OXR1: variants seen among roughly 807,000 people sequenced by gnomAD.
OXR1 encodes the protein oxidation resistance 1, also known as oxidation resistance protein 1.
A neutral mutation model predicts 104.6 loss-of-function variants in OXR1; 41 were observed. The ratio of observed to expected loss-of-function variants is 0.39; its 90% CI spans 0.31 to 0.51. The LOEUF is 0.51. OXR1 is among the 20% of genes least tolerant of loss of function. The pLI is 0.77. For synonymous variants in OXR1, 348 were observed against 348.4 expected, an observed-to-expected ratio of 1.00 and a Z score of 0.01; for missense variants, 955 against 1,031.9, an observed-to-expected ratio of 0.93 and a Z score of 1.02.
At chr8:106,365,650 A>G (rs1275887669) in intron 2 of OXR1, among the ~76,000 whole-genome samples, 2 of 152,140 alleles carry the variant, frequency 1.3e-5, no homozygotes, top group African/African-American at 4.8e-5. Flanking sequence ...TTGATTTGGG[A>G]TTGACACTTT....
rs147125120 is a variant in OXR1 at position 106,719,468 on chromosome 8, T to G, written c.1956+5483T>G. On this transcript the variant is annotated intron_variant, in intron 11 of 16. Transcript: ENST00000517566. The stretch of plus-strand genomic sequence containing the variant: ...GTTATTCAAATGTCATAAAAATATT[T>G]AGAATACATGTAATATGTACAGTAT... Among the ~76,000 whole-genome samples, 347 of 152,368 alleles carry G rather than the reference T, an allele frequency of 2.3e-3. 1 individual carries two copies. Among genetic ancestry groups the G allele is most frequent in the African/African-American group, 7.8e-3 (323 of 41,590 alleles).
At chr8:106,370,214 T>C (rs1385187869) in intron 2 of OXR1, among the ~76,000 whole-genome samples, 8 of 152,202 alleles carry the variant, frequency 5.3e-5, no homozygotes, top group Non-Finnish European at 1.2e-4. Flanking sequence ...ATTGTTGGTG[T>C]AAAGGAATGC....
intron 2 of OXR1, among the ~76,000 whole-genome samples, chr8:106,389,615 C>G (rs774385800): frequency 6.6e-6 from 1 of 152,104 alleles, no homozygotes; most frequent in African/African-American, 2.4e-5. Context: ...GAGATCTGAC[C>G]TAAAGAACTG....
chr8:106,285,795 C>T (rs2130012213), intron 1 of OXR1, among the ~76,000 whole-genome samples: 1 of 149,474 alleles, frequency 6.7e-6, no homozygotes, highest in Non-Finnish European at 1.5e-5. Context: ...TCAACAAGAG[C>T]CTTAGAGTCT....
At chr8:106,430,468 T>G (rs1451481539) in intron 2 of OXR1, among the ~76,000 whole-genome samples, 1 of 152,192 alleles carries the variant, frequency 6.6e-6, no homozygotes, top group Non-Finnish European at 1.5e-5. Flanking sequence ...TTTATAATCC[T>G]GAGAATAAAG....
intron 3 of OXR1, among the ~76,000 whole-genome samples, chr8:106,554,403 C>T (rs1045259543): frequency 1.3e-5 from 2 of 152,156 alleles, no homozygotes; most frequent in African/African-American, 4.8e-5. Context: ...ATAAATTTCA[C>T]CTCCATTTTC....
At chr8:106,485,236 A>C (rs757564508) in intron 2 of OXR1, among the ~76,000 whole-genome samples, 1 of 152,116 alleles carries the variant, frequency 6.6e-6, no homozygotes, top group Non-Finnish European at 1.5e-5. Context: ...TGATACTACA[A>C]TGTTGGATAC....
intron 3 of OXR1, among the ~76,000 whole-genome samples, chr8:106,535,024 G>A (rs746908360): frequency 1.3e-5 from 2 of 151,932 alleles, no homozygotes; most frequent in South Asian, 2.1e-4. Flanking sequence ...GTGCAGTGGC[G>A]CCTTCTCAGC....
intron 2 of OXR1, among the ~76,000 whole-genome samples, chr8:106,421,845 G>T (rs1818919583): frequency 1.3e-5 from 1 of 75,206 alleles, no homozygotes. Context: ...ACAGCAATAA[G>T]AAAATCTCTT....
chr8:106,431,522 A>C (rs957969512), intron 2 of OXR1, among the ~76,000 whole-genome samples: 12 of 152,200 alleles, frequency 7.9e-5, no homozygotes, highest in African/African-American at 2.9e-4. Flanking sequence ...AGCTAGAACG[A>C]ATTTAAAATA....
intron 2 of OXR1, among the ~76,000 whole-genome samples, chr8:106,512,644 T>C (rs1812611872): frequency 6.6e-6 from 1 of 152,158 alleles, no homozygotes; most frequent in African/African-American, 2.4e-5. Context: ...TTGTATCATG[T>C]AGTATTTAGA....
At chr8:106,406,917 T>C (rs1284093989) in intron 2 of OXR1, among the ~76,000 whole-genome samples, 2 of 144,112 alleles carry the variant, frequency 1.4e-5, no homozygotes, top group Non-Finnish European at 3.0e-5. Flanking sequence ...GCAAAAGTAA[T>C]TGCGGTTCTT....
chr8:106,712,792 C>A (rs1314043658), intron 10 of OXR1, among the ~76,000 whole-genome samples: 1 of 151,966 alleles, frequency 6.6e-6, no homozygotes, highest in Non-Finnish European at 1.5e-5. Flanking sequence ...GATATTCAAA[C>A]GTTCCAGTGA....
chr8:106,368,214 A>G (rs1563740144), intron 2 of OXR1, among the ~76,000 whole-genome samples: 1 of 152,314 alleles, frequency 6.6e-6, no homozygotes, highest in South Asian at 2.1e-4. Context: ...AATAATTCAT[A>G]TTGTATCCTT....
intron 3 of OXR1, among the ~76,000 whole-genome samples, chr8:106,618,535 C>T (rs964505239): frequency 1.3e-5 from 2 of 152,210 alleles, no homozygotes; most frequent in African/African-American, 4.8e-5. Context: ...GATTTTGAGT[C>T]TCTTCATGTC....
chr8:106,400,104 A>G (rs1817941747), intron 2 of OXR1, among the ~76,000 whole-genome samples: 1 of 151,846 alleles, frequency 6.6e-6, no homozygotes, highest in Non-Finnish European at 1.5e-5. Flanking sequence ...TTCCTGAATC[A>G]TTTCTTGATT....
At position 106,750,857 on chromosome 8, in the gene OXR1, T is replaced by C. The variant is rs1835842981; in HGVS notation, c.2538T>C (p.His846=). ...LDGDLYHGRS[H]SCKTFGNRTL... ...GAGATCTCTACCATGGAAGAAGCCA[T>C]TCTTGTAAAACGTTTGGGAATCGTA... is the stretch of plus-strand genomic sequence containing the variant. The change falls in exon 17 of 17, where the codon CAT becomes CAC. Residue 846 remains histidine, a synonymous_variant. Coordinates refer to ENST00000517566, the MANE Select transcript of OXR1 (RefSeq NM_001198533.2). The C allele has an allele frequency of 6.2e-7, 1 of 1,610,178 alleles. No homozygotes were observed. The highest frequency in any genetic ancestry group is 1.3e-5 in the African/African-American group (1 of 74,808).
intron 2 of OXR1, among the ~76,000 whole-genome samples, chr8:106,515,426 TTTTATATCC>T (rs1407069809): frequency 6.6e-6 from 1 of 152,108 alleles, no homozygotes; most frequent in Admixed American, 6.6e-5. Context: ...CCTGATAAAA[TTTTATATCC>T]TTTGATCAAC....
At chr8:106,679,566 G>T (rs188880099) in intron 4 of OXR1, among the ~76,000 whole-genome samples, 1 of 152,052 alleles carries the variant, frequency 6.6e-6, no homozygotes, top group Admixed American at 6.5e-5. Context: ...TTTTTATTAG[G>T]TTAGGCTTTT....
Sources: allele counts gnomAD v4.1 joint callset (sites outside exome capture counted in the v4.1 genomes callset), GRCh38; gene constraint gnomAD v4.1.1; transcripts MANE v1.5; gene names NCBI Gene and HGNC (gene_info 2026-07-23, HGNC 2026-07-21).